CNOT10: variants seen among roughly 807,000 people sequenced by gnomAD.
The protein encoded by CNOT10 is CCR4-NOT transcription complex subunit 10, also known as CCR4-NOT transcription complex, subunit 10.
A neutral mutation model predicts 94.6 loss-of-function variants in CNOT10; 30 were observed. The ratio of observed to expected loss-of-function variants is 0.32; its 90% CI spans 0.24 to 0.43. The LOEUF is 0.43. Ranked by LOEUF, CNOT10 falls within the 20% of genes least tolerant of loss-of-function variation. CNOT10 has a pLI of 1.00. For missense variants in CNOT10, 759 were observed against 877.2 expected, an observed-to-expected ratio of 0.87 and a Z score of 1.70; for synonymous variants, 289 against 301.6, an observed-to-expected ratio of 0.96 and a Z score of 0.43.
In CNOT10 at chr3:32,734,992, T is replaced by A; in HGVS notation, c.1514+16T>A. ...AAACTTGCAGGTATTCTAATCCTTG[T>A]GACCTCCTTTGGCAAAATCCTTTCA... On this transcript the variant is annotated intron_variant, in intron 12 of 18. Coordinates refer to ENST00000328834, the MANE Select transcript of CNOT10 (RefSeq NM_015442.3). 6.3e-7 allele frequency: 1 copy of A among 1,597,278 alleles called. No individual in the cohort carries two copies. The highest frequency in any genetic ancestry group is 1.1e-5 in the South Asian group (1 of 89,156).
intron 15 of CNOT10, 187 bp from the exon 16 acceptor site, chr3:32,764,268 C>G: frequency 1.8e-6 from 1 of 543,712 alleles, no homozygotes; most frequent in Non-Finnish European, 3.2e-6. Flanking sequence ...ATCCAGGAGG[C>G]GGAGGTTGCA....
chr3:32,727,928 A>T, intron 10 of CNOT10, 58 bp downstream of exon 10: 2 of 1,107,238 alleles, frequency 1.8e-6, no homozygotes, highest in Non-Finnish European at 2.6e-6. Context: ...ACTACATGGA[A>T]TGGTTAAAAA....
intron 1 of CNOT10, among the ~76,000 whole-genome samples, chr3:32,701,620 C>T (rs1214017985): frequency 6.6e-6 from 1 of 152,078 alleles, no homozygotes; most frequent in African/African-American, 2.4e-5. Flanking sequence ...GTAGCACCTC[C>T]CCCTTTGCTC....
At chr3:32,704,678 A>G (rs1423847051) in intron 2 of CNOT10, 133 bp from the exon 3 acceptor site, 15 of 953,554 alleles carry the variant, frequency 1.6e-5, no homozygotes, top group Non-Finnish European at 2.1e-5. Flanking sequence ...TTTGATTAGT[A>G]TATGTAGGGA....
chr3:32,770,730 G>A (rs1177754548), intron 18 of CNOT10, among the ~76,000 whole-genome samples: 1 of 137,524 alleles, frequency 7.3e-6, no homozygotes, highest in African/African-American at 2.7e-5. Context: ...TTTTTGAGAT[G>A]GAGTCTCGCT....
At chr3:32,689,942 G>A (rs910044918) in intron 1 of CNOT10, among the ~76,000 whole-genome samples, 1 of 152,132 alleles carries the variant, frequency 6.6e-6, no homozygotes, top group Admixed American at 6.6e-5. Context: ...GTGACAGTGC[G>A]ACCCTGTCTC....
At chr3:32,701,339 A>G (rs1238201800) in intron 1 of CNOT10, among the ~76,000 whole-genome samples, 2 of 152,244 alleles carry the variant, frequency 1.3e-5, no homozygotes, top group Non-Finnish European at 2.9e-5. Context: ...TGAGGAAATA[A>G]CCAGAAAAAT....
intron 13 of CNOT10, among the ~76,000 whole-genome samples, chr3:32,747,162 T>C (rs1699737390): frequency 6.6e-6 from 1 of 152,062 alleles, no homozygotes; most frequent in African/African-American, 2.4e-5. Flanking sequence ...ACACCTGTAA[T>C]CCCAGCACTT....
intron 18 of CNOT10, among the ~76,000 whole-genome samples, chr3:32,770,903 C>T (rs1297445930): frequency 5.9e-5 from 9 of 151,800 alleles, no homozygotes; most frequent in Admixed American, 5.3e-4. Context: ...TAGTAGAGAC[C>T]GGGTTCACCA....
rs529423159 is a variant in CNOT10, at chr3:32,741,768, C to CAAAAAAAAAAAAAAAAA, written c.1595+4293_1595+4294insAAAAAAAAAAAAAAAAA. 3.1e-3 allele frequency among the ~76,000 whole-genome samples: 271 copies of CAAAAAAAAAAAAAAAAA among 86,432 alleles called. 1 individual carries two copies. Among genetic ancestry groups the CAAAAAAAAAAAAAAAAA allele is most frequent in the South Asian group, 9.9e-3 (26 of 2,618 alleles). 56.7% of individuals were successfully genotyped at this position (86,432 alleles called of 152,430 possible). A position where few individuals can be genotyped will look rare whatever the true frequency, so the allele number is the denominator to read the frequency against. On this transcript the variant is annotated intron_variant, in intron 13 of 18. Coordinates refer to ENST00000328834, the MANE Select transcript of CNOT10 (RefSeq NM_015442.3). ...TGGGCGACAGAGCGAGACTCCGTCT[C>CAAAAAAAAAAAAAAAAA]AAAAAAAAAAAAAAACAGAAGAAAA...
At chr3:32,764,603 C>T in intron 16 of CNOT10, 79 bp from the exon 17 acceptor site, 2 of 1,599,956 alleles carry the variant, frequency 1.3e-6, no homozygotes, top group Non-Finnish European at 1.7e-6. Context: ...TGCCAAGTGG[C>T]TCCTCAAGGC....
chr3:32,755,775 C>CT (rs1376626967), intron 13 of CNOT10, among the ~76,000 whole-genome samples: 2 of 108,454 alleles, frequency 1.8e-5, no homozygotes, highest in Admixed American at 1.9e-4. Context: ...TTTTTTTCTT[C>CT]TTTTTTTATC....
At chr3:32,722,605 C>T (rs1256249042) in intron 8 of CNOT10, among the ~76,000 whole-genome samples, 1 of 152,104 alleles carries the variant, frequency 6.6e-6, no homozygotes, top group Non-Finnish European at 1.5e-5. Flanking sequence ...ACCAGGAGTT[C>T]GAGGTTCCAG....
In CNOT10 at chr3:32,720,876, CTTT is replaced by C. The variant is rs1575237562; in HGVS notation, c.862+646_862+648del. Among the ~76,000 whole-genome samples the C allele has an allele frequency of 6.1e-5, 8 of 130,094 alleles. No individual in the cohort carries two copies. In the South Asian group the frequency reaches 1.5e-3, roughly 24 times the overall value. 85.3% of individuals were successfully genotyped at this position (130,094 alleles called of 152,430 possible). A position where few individuals can be genotyped will look rare whatever the true frequency, so the allele number is the denominator to read the frequency against. On this transcript the variant is annotated intron_variant, in intron 8 of 18. Transcript: ENST00000328834. ...CCCTTCCTCCCTTCCCTCCTTCCTT[CTTT>C]CTTTTCCTTCTTTTCCTTCCTTCCT...
rs764702440 is a variant in CNOT10, at chr3:32,695,968, AGTGTGTGTGTGTGT to A, written c.23-7865_23-7852del. 5.3e-3 allele frequency: 2,300 copies of A among 433,008 alleles called. 6 individuals are homozygous for A. The highest frequency in any genetic ancestry group is 7.1e-3 in the Non-Finnish European group (1,742 of 246,618). The allele number at this position is 433,008 out of a possible 1,614,324, so 26.8% of individuals were successfully genotyped here. On this transcript the variant is annotated intron_variant, in intron 1 of 18. Coordinates refer to ENST00000328834, the MANE Select transcript of CNOT10 (RefSeq NM_015442.3). ...AAATAAAAATAATCCTGTTGAAGAGAGTGTGTGTGTGTGTGTGTGTGTGTGTGTGTGTGTGTGTG... is the reference window on the plus strand; with the variant it reads ...AAATAAAAATAATCCTGTTGAAGAGAGTGTGTGTGTGTGTGTGTGTGTGTG...
intron 13 of CNOT10, among the ~76,000 whole-genome samples, chr3:32,745,470 T>TAACATAC (rs1559506765): frequency 2.5e-3 from 1 of 398 alleles, no homozygotes; most frequent in African/African-American, 5.6e-3. Context: ...CAATTAAGGA[T>TAACATAC]TGAATAAACA....
chr3:32,702,097 CTTTT>C (rs71630535), intron 1 of CNOT10, among the ~76,000 whole-genome samples: 1 of 138,196 alleles, frequency 7.2e-6, no homozygotes, highest in African/African-American at 2.7e-5. Flanking sequence ...CACACCTGGC[CTTTT>C]TTTTTTTTTT....
chr3:32,736,969 A>G (rs1278498740), intron 12 of CNOT10, among the ~76,000 whole-genome samples: 5 of 152,152 alleles, frequency 3.3e-5, no homozygotes, highest in Admixed American at 6.6e-5. Context: ...AGTGTTACCA[A>G]ATTACTAAGT....
At chr3:32,772,458 G>T (rs1181136008) in intron 18 of CNOT10, among the ~76,000 whole-genome samples, 1 of 152,222 alleles carries the variant, frequency 6.6e-6, no homozygotes, top group Non-Finnish European at 1.5e-5. Context: ...GCTATAGTGT[G>T]CAGTATTGCT....
Sources: gnomAD v4.1 joint callset for allele counts (sites outside exome capture counted in the v4.1 genomes callset) on GRCh38, gnomAD v4.1.1 for gene constraint, MANE v1.5 for transcripts, NCBI Gene and HGNC (gene_info 2026-07-23, HGNC 2026-07-21) for gene names.